DIAPH2: variants seen among roughly 807,000 people sequenced by gnomAD.
The protein encoded by DIAPH2 is diaphanous related formin 2.
DIAPH2 carries 35 observed loss-of-function variants against 92.7 expected under a neutral mutation model. That is an observed-to-expected ratio of 0.38 (90% CI 0.29 to 0.50). The LOEUF (loss-of-function observed/expected upper bound fraction) is 0.50, where lower values mean the gene tolerates loss of function less well. Ranked by LOEUF, DIAPH2 falls within the 20% of genes least tolerant of loss-of-function variation. DIAPH2 has a pLI of 0.94. For synonymous variants in DIAPH2, 301 were observed against 280.4 expected, an observed-to-expected ratio of 1.07 and a Z score of -0.73; for missense variants, 701 against 819.5, an observed-to-expected ratio of 0.86 and a Z score of 1.77.
chrX:97,528,053 A>G (rs1299086989), intron 26 of DIAPH2, among the ~76,000 whole-genome samples: 1 of 111,905 alleles, frequency 8.9e-6, no homozygotes, highest in Non-Finnish European at 1.9e-5. Flanking sequence ...TATGAGGATT[A>G]AAAAAACAAC....
chrX:96,903,635 C>G (rs1238016024), intron 5 of DIAPH2, among the ~76,000 whole-genome samples: 1 of 111,876 alleles, frequency 8.9e-6, no homozygotes, highest in Non-Finnish European at 1.9e-5. Flanking sequence ...TTTCCCTTCG[C>G]TTCCCTTATT....
intron 23 of DIAPH2, among the ~76,000 whole-genome samples, chrX:97,269,925 C>T (rs1311199181): frequency 1.9e-5 from 2 of 107,157 alleles, no homozygotes; most frequent in East Asian, 3.0e-4. Context: ...GCTAATTTTG[C>T]GTTTTGTTTT....
chrX:97,178,470 T>G (rs375014924), intron 22 of DIAPH2, among the ~76,000 whole-genome samples: 1 of 92,656 alleles, frequency 1.1e-5, no homozygotes, highest in African/African-American at 4.0e-5. Context: ...TTTTTTTTTT[T>G]GAGACAGAGT....
intron 1 of DIAPH2, among the ~76,000 whole-genome samples, chrX:96,702,753 G>T (rs776035518): frequency 8.9e-6 from 1 of 112,053 alleles, no homozygotes; most frequent in East Asian, 2.8e-4. Context: ...GGAAGTCCAA[G>T]ATCAGGGTAC....
chrX:97,601,156 C>T lies in DIAPH2; in HGVS notation c.*1839C>T, dbSNP rs1381196704. The T allele has an allele frequency of 9.0e-6, 1 of 111,509 alleles. No homozygotes were observed. The highest frequency in any genetic ancestry group is 9.5e-5 in the Admixed American group (1 of 10,510). The allele number at this position is 111,509 out of a possible 1,213,427, so 9.2% of individuals were successfully genotyped here. A position where few individuals can be genotyped will look rare whatever the true frequency, so the allele number is the denominator to read the frequency against. On this transcript the variant is annotated 3_prime_UTR_variant, in exon 27 of 27. Coordinates refer to ENST00000324765, the MANE Select transcript of DIAPH2 (RefSeq NM_006729.5). Reference sequence around the variant, plus strand: ...CCTAGTATGTGTATTTTTGACTTTACAAAGTCTTTCTTTTCTGAAATCTTC... The same window carrying T: ...CCTAGTATGTGTATTTTTGACTTTATAAAGTCTTTCTTTTCTGAAATCTTC...
rs181245680 is a variant in DIAPH2 at position 97,091,541 on chromosome X, C to G, written c.2248-8153C>G. On this transcript the variant is annotated intron_variant, in intron 19 of 26. Coordinates refer to ENST00000324765, the MANE Select transcript of DIAPH2 (RefSeq NM_006729.5). ...TCCCCTATCTCAGACTCCCTAATAG[C>G]TGGAACCGAAACAAGTCTTTTTGAA... Among the ~76,000 whole-genome samples the G allele has an allele frequency of 5.4e-3, 607 of 111,724 alleles. 5 individuals are homozygous for G. The highest frequency in any genetic ancestry group is 0.019 in the African/African-American group (575 of 30,730).
At chrX:97,324,703 C>G (rs938427422) in intron 23 of DIAPH2, among the ~76,000 whole-genome samples, 27 of 112,073 alleles carry the variant, frequency 2.4e-4, no homozygotes, top group African/African-American at 8.7e-4. Context: ...CAGGAAAACA[C>G]CACAGGTCAG....
chrX:97,479,092 A>G (rs1363748241), intron 26 of DIAPH2, among the ~76,000 whole-genome samples: 1 of 111,645 alleles, frequency 9.0e-6, no homozygotes, highest in African/African-American at 3.3e-5. Context: ...TTTCCCTTCA[A>G]AATCAGTTAT....
chrX:97,308,612 AT>A (rs2068766162), intron 23 of DIAPH2, among the ~76,000 whole-genome samples: 3 of 64,863 alleles, frequency 4.6e-5, no homozygotes, highest in African/African-American at 1.5e-4. Flanking sequence ...GTGAAACCCC[AT>A]CTTTTTTTTT....
chrX:96,949,923 G>A (rs35072158), intron 15 of DIAPH2, among the ~76,000 whole-genome samples: 1 of 109,212 alleles, frequency 9.2e-6, no homozygotes, highest in Non-Finnish European at 1.9e-5. Flanking sequence ...GTGCTCAGTA[G>A]ATATTTGTTG....
At position 97,570,104 on chromosome X, in the gene DIAPH2, AT is replaced by A. The variant is rs1569426161; in HGVS notation, c.3242-29148del. On this transcript the variant is annotated intron_variant, in intron 26 of 26. Coordinates refer to ENST00000324765, the MANE Select transcript of DIAPH2 (RefSeq NM_006729.5). ...TATATATATATATATATATATATAT[AT>A]ATATATATATATATATATTAGAAGA... is the stretch of plus-strand genomic sequence containing the variant. 3.7e-4 allele frequency among the ~76,000 whole-genome samples: 12 copies of A among 32,067 alleles called. No individual in the cohort carries two copies. The East Asian group carries it at 0.015, about 39-fold the overall frequency. The allele number at this position is 32,067 out of a possible 115,157, so 27.8% of individuals were successfully genotyped here. A position where few individuals can be genotyped will look rare whatever the true frequency, so the allele number is the denominator to read the frequency against.
At chrX:96,987,660 A>G (rs1456374154) in intron 17 of DIAPH2, among the ~76,000 whole-genome samples, 5 of 111,590 alleles carry the variant, frequency 4.5e-5, no homozygotes, top group South Asian at 3.7e-4. Flanking sequence ...ATTGTGTACT[A>G]TGATACACAG....
intron 17 of DIAPH2, among the ~76,000 whole-genome samples, chrX:97,007,505 G>A (rs1411235307): frequency 9.1e-6 from 1 of 110,179 alleles, no homozygotes; most frequent in African/African-American, 3.3e-5. Context: ...TGCCTGTAAG[G>A]TTTCCACTGA....
chrX:96,765,331 G>T (rs6620159), intron 4 of DIAPH2, among the ~76,000 whole-genome samples: 1 of 107,193 alleles, frequency 9.3e-6, no homozygotes, highest in Non-Finnish European at 1.9e-5. Flanking sequence ...CAGAATAGCT[G>T]GGACTACAGG....
At chrX:97,511,306 CTGTT>C (rs1350141341) in intron 26 of DIAPH2, among the ~76,000 whole-genome samples, 2 of 91,645 alleles carry the variant, frequency 2.2e-5, no homozygotes, top group Non-Finnish European at 4.4e-5. Flanking sequence ...ATTTGGCTCT[CTGTT>C]TGTCTGTTAT....
At chrX:97,493,131 C>A (rs898307577) in intron 26 of DIAPH2, among the ~76,000 whole-genome samples, 1 of 112,725 alleles carries the variant, frequency 8.9e-6, no homozygotes, top group African/African-American at 3.2e-5. Flanking sequence ...GACTTGTCTT[C>A]AGTTTCACTG....
Position 97,307,768 on chromosome X carries a change from C to T in DIAPH2, c.2845-40348C>T, listed in dbSNP as rs1344331830. Among the ~76,000 whole-genome samples the T allele has an allele frequency of 4.6e-5, 5 of 108,564 alleles. No homozygotes were observed. In the Admixed American group the frequency reaches 5.0e-4, roughly 11 times the overall value. 94.3% of individuals were successfully genotyped at this position (108,564 alleles called of 115,157 possible). On this transcript the variant is annotated intron_variant, in intron 23 of 26. Coordinates refer to ENST00000324765, the MANE Select transcript of DIAPH2 (RefSeq NM_006729.5). ...TACTAAAAATACAAAATTAGCCGGG[C>T]GTGGTGGCGCATGCCTGTAATCTCA...
At chrX:97,093,581 CTT>C (rs1213327232) in intron 19 of DIAPH2, among the ~76,000 whole-genome samples, 1 of 112,131 alleles carries the variant, frequency 8.9e-6, no homozygotes, top group African/African-American at 3.2e-5. Flanking sequence ...CTTAATATCA[CTT>C]TTTATGTTTA....
intron 17 of DIAPH2, among the ~76,000 whole-genome samples, chrX:97,043,931 A>G (rs1363435390): frequency 8.9e-6 from 1 of 112,196 alleles, no homozygotes; most frequent in East Asian, 2.8e-4. Context: ...GAACAACAGA[A>G]ATAAGCTTGA....
Sources: gnomAD v4.1 joint callset for allele counts (sites outside exome capture counted in the v4.1 genomes callset) on GRCh38, gnomAD v4.1.1 for gene constraint, MANE v1.5 for transcripts, NCBI Gene and HGNC (gene_info 2026-07-23, HGNC 2026-07-21) for gene names.